Variants in MED26 observed in about 807,000 individuals in gnomAD.
MED26 encodes mediator complex subunit 26.
MED26 carries 7 observed loss-of-function variants against 43.7 expected under a neutral mutation model. The observed-to-expected ratio is 0.16, with a 90% CI of 0.09 to 0.30. The LOEUF (loss-of-function observed/expected upper bound fraction) is 0.30. MED26 is among the 10% of genes least tolerant of loss of function. The pLI, the probability that MED26 is intolerant of heterozygous loss-of-function variation, is 1.00. For synonymous variants in MED26, 375 were observed against 371.1 expected (o/e 1.01, Z -0.12); for missense variants, 784 against 840.6 (o/e 0.93, Z 0.83).
intron 1 of MED26, among the ~76,000 whole-genome samples, chr19:16,626,677 GA>G (rs1190646234): frequency 1.3e-5 from 2 of 152,134 alleles, no homozygotes. Context: ...ATGTAAAAAT[GA>G]AAGCAAAAAC....
At chr19:16,579,154 A>C (rs1177266712) in intron 1 of MED26, among the ~76,000 whole-genome samples, 2 of 152,156 alleles carry the variant, frequency 1.3e-5, no homozygotes, top group African/African-American at 2.4e-5. Context: ...ATCCAAAGAC[A>C]CCATAAAGAG....
chr19:16,627,837 C>T, intron 1 of MED26, 35 bp downstream of exon 1: 3 of 1,443,818 alleles, frequency 2.1e-6, no homozygotes, highest in Non-Finnish European at 2.8e-6. Context: ...CGGGCCCATG[C>T]GGCCTCCGTC....
At chr19:16,583,110 A>G (rs1029258478) in intron 1 of MED26, among the ~76,000 whole-genome samples, 14 of 152,194 alleles carry the variant, frequency 9.2e-5, no homozygotes, top group African/African-American at 3.1e-4. Context: ...GCCTCAAAAG[A>G]TGGCTTTAAG....
intron 1 of MED26, chr19:16,597,419 A>G (rs949946969): frequency 2.5e-6 from 1 of 398,688 alleles, no homozygotes; most frequent in African/African-American, 2.1e-5. Flanking sequence ...TGAGGCAAGA[A>G]GTCAACTTAC....
intron 1 of MED26, among the ~76,000 whole-genome samples, chr19:16,619,262 A>G (rs917989957): frequency 6.6e-6 from 1 of 152,242 alleles, no homozygotes; most frequent in African/African-American, 2.4e-5. Context: ...CAGCTTGCTG[A>G]CTGCTTGCCT....
chr19:16,608,143 G>A (rs539786923), intron 1 of MED26, among the ~76,000 whole-genome samples: 2 of 152,396 alleles, frequency 1.3e-5, no homozygotes, highest in African/African-American at 4.8e-5. Context: ...ATCCAAGCCA[G>A]GTAAGGGGCA....
At chr19:16,610,931 G>C (rs1470609627) in intron 1 of MED26, 2 of 152,350 alleles carry the variant, frequency 1.3e-5, no homozygotes. Flanking sequence ...ATGAGGGCAA[G>C]GGTTCAAGTT....
Position 16,577,184 on chromosome 19 carries a change from T to C in MED26, c.646A>G (p.Lys216Glu), listed in dbSNP as rs2086012407. 1 of 1,613,188 alleles carries C rather than the reference T, an allele frequency of 6.2e-7. No homozygotes were observed. Among genetic ancestry groups the C allele is most frequent in the Admixed American group, 1.7e-5 (1 of 60,000 alleles). Residue 216 changes from lysine to glutamate, a missense_variant, in exon 3 of 3, where the codon AAG becomes GAG. Coordinates refer to ENST00000263390, the MANE Select transcript of MED26 (RefSeq NM_004831.5). This position sits in a 1 kb window ranked among gnomAD's most constrained non-coding sequence, Gnocchi z 8.1. ...GSRLERDEND[K>E]HSGKIPVNAV... ...TTGACGGGGATCTTGCCACTGTGCT[T>C]GTCATTCTCGTCACGCTCCAGGCGG...
At chr19:16,612,683 C>T (rs1221943652) in intron 1 of MED26, among the ~76,000 whole-genome samples, 1 of 152,200 alleles carries the variant, frequency 6.6e-6, no homozygotes, top group Non-Finnish European at 1.5e-5. Flanking sequence ...TTTTGATCAT[C>T]CCCACCTGCA....
At chr19:16,608,432 T>A (rs2086183921) in intron 1 of MED26, among the ~76,000 whole-genome samples, 1 of 152,246 alleles carries the variant, frequency 6.6e-6, no homozygotes, top group Non-Finnish European at 1.5e-5. Flanking sequence ...CTACTGAGTC[T>A]CTTTCCCAAC....
intron 1 of MED26, among the ~76,000 whole-genome samples, chr19:16,622,998 C>T (rs1036141658): frequency 6.6e-6 from 1 of 152,188 alleles, no homozygotes; most frequent in Non-Finnish European, 1.5e-5. Context: ...CAGGGGCTGA[C>T]GTGACCATGG....
chr19:16,593,645 A>G (rs1203673114), intron 1 of MED26, among the ~76,000 whole-genome samples: 2 of 152,232 alleles, frequency 1.3e-5, no homozygotes, highest in South Asian at 2.1e-4. Context: ...GTGGCAAGTC[A>G]ACACCTAGAG....
intron 1 of MED26, among the ~76,000 whole-genome samples, chr19:16,579,366 A>T (rs2086032307): frequency 6.6e-6 from 1 of 152,152 alleles, no homozygotes; most frequent in Admixed American, 6.5e-5. Context: ...GAAAACTCAA[A>T]CTGAACCCAC....
chr19:16,606,735 AGG>A (rs2086175221), intron 1 of MED26, among the ~76,000 whole-genome samples: 1 of 152,178 alleles, frequency 6.6e-6, no homozygotes, highest in Non-Finnish European at 1.5e-5. Context: ...GGAGGGGAGT[AGG>A]CTGAGACAGG....
chr19:16,578,062 C>T, intron 2 of MED26: 1 of 524,122 alleles, frequency 1.9e-6, no homozygotes, highest in Non-Finnish European at 3.4e-6. Flanking sequence ...GGGATGGTGC[C>T]TCTCACTGGA....
At chr19:16,581,624 G>C (rs564106730) in intron 1 of MED26, among the ~76,000 whole-genome samples, 2 of 152,376 alleles carry the variant, frequency 1.3e-5, no homozygotes, top group African/African-American at 4.8e-5. Flanking sequence ...AGAGGGAGGA[G>C]ACAGAACACC....
intron 1 of MED26, among the ~76,000 whole-genome samples, chr19:16,608,371 G>C (rs1408877879): frequency 2.0e-5 from 3 of 152,192 alleles, no homozygotes; most frequent in African/African-American, 7.2e-5. Context: ...GTACTATCTA[G>C]GTTTCTGAGG....
chr19:16,603,290 G>A (rs1397872886), intron 1 of MED26, among the ~76,000 whole-genome samples: 2 of 152,160 alleles, frequency 1.3e-5, no homozygotes, highest in Non-Finnish European at 2.9e-5. Context: ...CATGAACATC[G>A]CTCCCTTGTG....
At position 16,575,735 on chromosome 19, in the gene MED26, A is replaced by C. The variant is rs2085990806; in HGVS notation, c.*292T>G. The C allele has an allele frequency of 5.0e-6, 2 of 399,294 alleles. No individual in the cohort carries two copies. Among genetic ancestry groups the C allele is most frequent in the Non-Finnish European group, 9.2e-6 (2 of 216,674 alleles). The allele number at this position is 399,294 out of a possible 1,614,324, so 24.7% of individuals were successfully genotyped here. A position where few individuals can be genotyped will look rare whatever the true frequency, so the allele number is the denominator to read the frequency against. The stretch of plus-strand genomic sequence containing the variant: ...GCACCTCTTTGGGGGTGAGGGACTA[A>C]CGCTTTTTATAGCTGGTTTGCTATA... On this transcript the variant is annotated 3_prime_UTR_variant, in exon 3 of 3. Coordinates refer to ENST00000263390, the MANE Select transcript of MED26 (RefSeq NM_004831.5).
Sources: gnomAD v4.1 joint callset for allele counts (sites outside exome capture counted in the v4.1 genomes callset) on GRCh38, gnomAD v4.1.1 for gene constraint, Gnocchi (gnomAD v3.1) non-coding constraint, MANE v1.5 for transcripts, NCBI Gene and HGNC (gene_info 2026-07-23, HGNC 2026-07-21) for gene names.